Variants in RP1 observed in about 807,000 individuals in gnomAD.
RP1 encodes oxygen-regulated protein 1.
RP1 carries 16 observed loss-of-function variants against 14.8 expected under a neutral mutation model. The observed-to-expected ratio is 1.08, with a 90% CI of 0.73 to 1.65. The LOEUF is 1.65. Ranked by LOEUF, RP1 falls within the 40% of genes most tolerant of loss-of-function variation. The pLI, the probability that RP1 is intolerant of heterozygous loss-of-function variation, is 0.00. For synonymous variants in RP1, 876 were observed against 883.6 expected, an observed-to-expected ratio of 0.99 and a Z score of 0.15; for missense variants, 2,631 against 2,535.0, an observed-to-expected ratio of 1.04 and a Z score of -0.81.
At chr8:54,612,341 G>C (rs1264012924), upstream of RP1, among the ~76,000 whole-genome samples, 1 of 152,188 alleles carries the variant, frequency 6.6e-6, no homozygotes, top group Non-Finnish European at 1.5e-5. Context: ...GCAGGCTGCT[G>C]TCCCCACAGC....
rs759603043 is a variant in RP1 at position 54,855,934 on chromosome 8, TACAC to T, written c.3991-1059_3991-1056del. 9.0e-4 allele frequency among the ~76,000 whole-genome samples: 52 copies of T among 57,836 alleles called. No individual in the cohort carries two copies. In the East Asian group the frequency reaches 0.012, roughly 14 times the overall value. The allele number at this position is 57,836 out of a possible 152,430, so 37.9% of individuals were successfully genotyped here. Reference sequence around the variant, plus strand: ...TATTTTTAGGAAGTGAGACTTACTATACACACACACACACACACACACACACACA... The same window carrying T: ...TATTTTTAGGAAGTGAGACTTACTATACACACACACACACACACACACACA... On this transcript the variant is annotated intron_variant, in intron 26 of 28. Coordinates refer to the RP1 transcript ENST00000637698.
At chr8:54,610,422 C>T (rs938687549) in intron 1 of RP1, among the ~76,000 whole-genome samples, 10 of 152,276 alleles carry the variant, frequency 6.6e-5, no homozygotes, top group South Asian at 2.1e-4. Flanking sequence ...CCAGATTCTT[C>T]CAAGTTTTAA....
chr8:54,778,680 G>A (rs984631953), intron 23 of RP1, among the ~76,000 whole-genome samples: 13 of 152,128 alleles, frequency 8.5e-5, no homozygotes, highest in African/African-American at 3.1e-4. Flanking sequence ...CTAGTGAGAG[G>A]AGAGAGGTGA....
At chr8:54,792,898 C>G (rs1810500541) in intron 24 of RP1, among the ~76,000 whole-genome samples, 1 of 151,522 alleles carries the variant, frequency 6.6e-6, no homozygotes, top group Admixed American at 6.6e-5. Flanking sequence ...ATCAATAAAA[C>G]CAAAAATTAG....
At chr8:54,694,295 C>T (rs1223150258) in intron 12 of RP1, among the ~76,000 whole-genome samples, 1 of 152,062 alleles carries the variant, frequency 6.6e-6, no homozygotes, top group Non-Finnish European at 1.5e-5. Context: ...TTTGTTGTGT[C>T]TCTGCCAGGC....
chr8:54,700,768 A>G (rs1224031318), intron 13 of RP1, among the ~76,000 whole-genome samples: 1 of 152,166 alleles, frequency 6.6e-6, no homozygotes, highest in Non-Finnish European at 1.5e-5. Flanking sequence ...AGAAGATTTC[A>G]TCTGGTATGG....
Position 54,628,366 on chromosome 8 carries a change from A to C in RP1, c.4484A>C (p.Gln1495Pro). Residue 1495 changes from glutamine (Q) to proline (P), a missense_variant, in exon 4 of 4, where the codon CAA becomes CCA. Physicochemically the swap from Gln to Pro is moderately conservative, Grantham distance 76. Transcript: ENST00000220676. ...GGEQATEELI[Q>P]EEVEASKTLE... Reference sequence around the variant, plus strand: ...GAGCAAGCCACTGAAGAATTAATCCAAGAAGAGGTAGAGGCTAGTAAAACT... The same window carrying C: ...GAGCAAGCCACTGAAGAATTAATCCCAGAAGAGGTAGAGGCTAGTAAAACT... 1 of 1,613,802 alleles carries C rather than the reference A, an allele frequency of 6.2e-7. No homozygotes were observed. The highest frequency in any genetic ancestry group is 8.5e-7 in the Non-Finnish European group (1 of 1,179,860).
At chr8:54,854,539 A>C (rs1007955280) in intron 26 of RP1, among the ~76,000 whole-genome samples, 6 of 152,236 alleles carry the variant, frequency 3.9e-5, no homozygotes, top group African/African-American at 1.4e-4. Flanking sequence ...GAAAATCCTC[A>C]TAATCTAGGG....
At chr8:54,676,478 C>A (rs1427550159) in intron 8 of RP1, among the ~76,000 whole-genome samples, 4 of 152,170 alleles carry the variant, frequency 2.6e-5, no homozygotes, top group Non-Finnish European at 4.4e-5. Context: ...GGAAAGTCTG[C>A]AGAACAGTCA....
chr8:54,753,111 T>C (rs970341530), intron 19 of RP1, among the ~76,000 whole-genome samples: 2 of 152,162 alleles, frequency 1.3e-5, no homozygotes, highest in Non-Finnish European at 2.9e-5. Flanking sequence ...TTTCTCATGG[T>C]CAGTTGGAAA....
intron 4 of RP1, among the ~76,000 whole-genome samples, chr8:54,651,360 T>TATTTGATAGA (rs1806652296): frequency 6.6e-6 from 1 of 152,228 alleles, no homozygotes; most frequent in African/African-American, 2.4e-5. Context: ...CTTCTTTAAA[T>TATTTGATAGA]ATTTGATAGA....
chr8:54,814,429 T>C (rs1425959602), intron 24 of RP1, among the ~76,000 whole-genome samples: 2 of 152,192 alleles, frequency 1.3e-5, no homozygotes, highest in Non-Finnish European at 2.9e-5. Flanking sequence ...TATAGTATTA[T>C]ATAACATGGA....
intron 23 of RP1, among the ~76,000 whole-genome samples, chr8:54,778,232 G>A (rs1220248063): frequency 6.6e-6 from 1 of 151,778 alleles, no homozygotes; most frequent in Non-Finnish European, 1.5e-5. Flanking sequence ...ATGTCCAAAT[G>A]TTGAAGTGTG....
chr8:54,605,844 C>A (rs551198340), intron 1 of RP1, among the ~76,000 whole-genome samples: 17 of 151,980 alleles, frequency 1.1e-4, no homozygotes, highest in East Asian at 1.9e-4. Context: ...CTGTTTTATC[C>A]GAGACTAGGA....
intron 12 of RP1, among the ~76,000 whole-genome samples, chr8:54,685,575 T>C (rs1301305780): frequency 2.6e-5 from 4 of 152,188 alleles, no homozygotes; most frequent in Non-Finnish European, 5.9e-5. Flanking sequence ...TAATCTTATA[T>C]AGGGCTGTCC....
At chr8:54,727,136 T>C (rs1359204987) in intron 17 of RP1, among the ~76,000 whole-genome samples, 2 of 152,116 alleles carry the variant, frequency 1.3e-5, no homozygotes, top group Non-Finnish European at 2.9e-5. Context: ...AAAAATTAGT[T>C]ATTGGGTATG....
At chr8:54,577,891 G>C (rs1187835786) in intron 1 of RP1, among the ~76,000 whole-genome samples, 1 of 152,084 alleles carries the variant, frequency 6.6e-6, no homozygotes, top group Non-Finnish European at 1.5e-5. Flanking sequence ...TTCCAATGAT[G>C]AGAAGCTTGG....
chr8:54,586,082 A>G (rs1185742166), intron 1 of RP1, among the ~76,000 whole-genome samples: 2 of 152,124 alleles, frequency 1.3e-5, no homozygotes, highest in Admixed American at 1.3e-4. Context: ...TCTCATTTTT[A>G]GAGTTTCCAG....
intron 7 of RP1, among the ~76,000 whole-genome samples, chr8:54,668,105 C>A (rs1444626260): frequency 2.6e-5 from 4 of 152,106 alleles, no homozygotes; most frequent in Admixed American, 2.0e-4. Context: ...TACTGGCAAA[C>A]CGAATCCAGC....
Sources: gnomAD v4.1 joint callset for allele counts (sites outside exome capture counted in the v4.1 genomes callset) on GRCh38, gnomAD v4.1.1 for gene constraint, MANE v1.5 for transcripts, NCBI Gene and HGNC (gene_info 2026-07-23, HGNC 2026-07-21) for gene names.